Variants in PDE6D observed in about 807,000 individuals in gnomAD.
PDE6D encodes retinal rod rhodopsin-sensitive cGMP 3',5'-cyclic phosphodiesterase subunit delta.
In PDE6D, 10 loss-of-function variants were observed where a neutral mutation model predicts 21.9. That is an observed-to-expected ratio of 0.46 (90% CI 0.28 to 0.78). The LOEUF is 0.78. Ranked by LOEUF, PDE6D falls within the 30% of genes least tolerant of loss-of-function variation. PDE6D has a pLI of 0.12. For missense variants in PDE6D, 139 were observed against 184.8 expected (o/e 0.75, Z 1.44); for synonymous variants, 59 against 63.5 (o/e 0.93, Z 0.34).
chr2:231,738,266 C>T, intron 2 of PDE6D, 128 bp from the exon 3 acceptor site: 1 of 901,580 alleles, frequency 1.1e-6, no homozygotes, highest in Non-Finnish European at 1.7e-6. Context: ...TTAGAGAACA[C>T]TTTCTTACAT....
At chr2:231,767,971 G>C (rs1366051614) in intron 1 of PDE6D, among the ~76,000 whole-genome samples, 1 of 151,012 alleles carries the variant, frequency 6.6e-6, no homozygotes, top group African/African-American at 2.4e-5. Context: ...TCAGCCTCCC[G>C]AGTAGCTGGG....
At position 231,745,463 on chromosome 2, in the gene PDE6D, T is replaced by C. The variant is rs142215907; in HGVS notation, c.51-6275A>G. 4.2e-3 allele frequency among the ~76,000 whole-genome samples: 647 copies of C among 152,322 alleles called. 2 individuals are homozygous for C. Among genetic ancestry groups the C allele is most frequent in the African/African-American group, 0.014 (586 of 41,560 alleles). ...AGGGGCTGGAGTACTATTTATAAGTTCTACCCTCTGGGTCAGCCAGGTCTT... is the reference window on the plus strand; with the variant it reads ...AGGGGCTGGAGTACTATTTATAAGTCCTACCCTCTGGGTCAGCCAGGTCTT... On this transcript the variant is annotated intron_variant, in intron 1 of 4. Coordinates refer to ENST00000287600, the MANE Select transcript of PDE6D (RefSeq NM_002601.4).
intron 1 of PDE6D, among the ~76,000 whole-genome samples, chr2:231,761,502 G>A (rs2048926719): frequency 6.6e-6 from 1 of 152,154 alleles, no homozygotes; most frequent in Non-Finnish European, 1.5e-5. Context: ...TTAACCTGTG[G>A]TTCATTATCA....
At chr2:231,750,660 ATTT>A (rs561604556) in intron 1 of PDE6D, among the ~76,000 whole-genome samples, 2 of 92,116 alleles carry the variant, frequency 2.2e-5, no homozygotes, top group African/African-American at 6.3e-5. Flanking sequence ...TGCTCATCTA[ATTT>A]TTTTTTTTTT....
chr2:231,778,020 C>T (rs2049070988), intron 1 of PDE6D, among the ~76,000 whole-genome samples: 1 of 152,148 alleles, frequency 6.6e-6, no homozygotes, highest in Non-Finnish European at 1.5e-5. Flanking sequence ...GTAATCCCAG[C>T]ACTTTGGGAG....
chr2:231,741,120 A>G (rs1268204376), intron 1 of PDE6D, among the ~76,000 whole-genome samples: 1 of 150,696 alleles, frequency 6.6e-6, no homozygotes, highest in Non-Finnish European at 1.5e-5. Flanking sequence ...TCTCAAAAAA[A>G]AAAAAAAAAA....
chr2:231,743,596 C>G (rs995000564), intron 1 of PDE6D, among the ~76,000 whole-genome samples: 1 of 152,062 alleles, frequency 6.6e-6, no homozygotes, highest in Non-Finnish European at 1.5e-5. Flanking sequence ...GTGTCATTCT[C>G]CCCTCAGGGT....
At chr2:231,775,789 C>T (rs758407746) in intron 1 of PDE6D, among the ~76,000 whole-genome samples, 2 of 150,914 alleles carry the variant, frequency 1.3e-5, no homozygotes, top group South Asian at 2.1e-4. Flanking sequence ...TAATATCTGA[C>T]GTATAAATGA....
At chr2:231,758,088 A>G (rs948748926) in intron 1 of PDE6D, among the ~76,000 whole-genome samples, 4 of 152,154 alleles carry the variant, frequency 2.6e-5, no homozygotes, top group East Asian at 1.9e-4. Context: ...TGTAATTGTA[A>G]AAGTTTTTTT....
chr2:231,752,495 A>G (rs6719408), intron 1 of PDE6D, among the ~76,000 whole-genome samples: 50,675 of 152,112 alleles, frequency 0.33, 8,883 homozygotes, highest in African/African-American at 0.44. Flanking sequence ...AAGGAGGCAC[A>G]TTATGGAAGT....
intron 1 of PDE6D, among the ~76,000 whole-genome samples, chr2:231,753,742 A>AGG (rs1162275431): frequency 1.3e-5 from 2 of 152,344 alleles, no homozygotes; most frequent in African/African-American, 4.8e-5. Flanking sequence ...CATTGTGACC[A>AGG]GAGTGCCAGT....
rs11886978 is a variant in PDE6D, at chr2:231,745,632, C to T, written c.51-6444G>A. 4.8e-3 allele frequency among the ~76,000 whole-genome samples: 710 copies of T among 148,684 alleles called. 9 individuals are homozygous for T. Among genetic ancestry groups the T allele is most frequent in the African/African-American group, 0.018 (688 of 38,244 alleles). On this transcript the variant is annotated intron_variant, in intron 1 of 4. Transcript: ENST00000287600. The stretch of plus-strand genomic sequence containing the variant: ...CCAGGCAAACATAAGGAAGCACTTT[C>T]GTATGTAAAATAAGAATATCTTAAA...
chr2:231,769,510 G>T (rs2048998395), intron 1 of PDE6D, among the ~76,000 whole-genome samples: 1 of 150,974 alleles, frequency 6.6e-6, no homozygotes, highest in Non-Finnish European at 1.5e-5. Flanking sequence ...CCTACAATTT[G>T]CTCTCTCTCT....
At chr2:231,744,526 C>A (rs187897089) in intron 1 of PDE6D, among the ~76,000 whole-genome samples, 1 of 151,806 alleles carries the variant, frequency 6.6e-6, no homozygotes, top group African/African-American at 2.4e-5. Flanking sequence ...CTCCGCCTCC[C>A]GGGTTCAAGT....
At chr2:231,779,719 A>C (rs2049087587) in intron 1 of PDE6D, among the ~76,000 whole-genome samples, 1 of 152,252 alleles carries the variant, frequency 6.6e-6, no homozygotes, top group Non-Finnish European at 1.5e-5. Flanking sequence ...AGTTTATCAC[A>C]GATGGTAGTA....
At chr2:231,761,741 T>C (rs1468058384) in intron 1 of PDE6D, among the ~76,000 whole-genome samples, 7 of 152,198 alleles carry the variant, frequency 4.6e-5, no homozygotes, top group Non-Finnish European at 1.0e-4. Context: ...ATATGTCACG[T>C]GCTGTGCTAA....
intron 1 of PDE6D, among the ~76,000 whole-genome samples, chr2:231,741,266 A>AT (rs768338262): frequency 1.3e-5 from 2 of 152,298 alleles, no homozygotes; most frequent in East Asian, 1.9e-4. Context: ...AGGAAAAAAA[A>AT]TCAGAATAAA....
intron 1 of PDE6D, among the ~76,000 whole-genome samples, chr2:231,776,725 T>C (rs867865407): frequency 6.6e-6 from 1 of 152,226 alleles, no homozygotes; most frequent in African/African-American, 2.4e-5. Context: ...CAGACCTTTG[T>C]TGAAGGAACG....
intron 1 of PDE6D, among the ~76,000 whole-genome samples, chr2:231,761,179 CT>C (rs962697536): frequency 1.2e-3 from 178 of 147,396 alleles, no homozygotes; most frequent in East Asian, 8.9e-3. Context: ...ATCAATAATT[CT>C]TTTTTTTTTT....
Sources: allele counts gnomAD v4.1 joint callset (sites outside exome capture counted in the v4.1 genomes callset), GRCh38; gene constraint gnomAD v4.1.1; transcripts MANE v1.5; gene names NCBI Gene and HGNC (gene_info 2026-07-23, HGNC 2026-07-21).